The following CAPN6 variants were observed in gnomAD, a reference collection of about 807,000 sequenced individuals.
CAPN6 encodes the protein calpain-6.
Under a neutral mutation model 46.0 loss-of-function variants are expected in CAPN6, and 16 were observed. That is an observed-to-expected ratio of 0.35 (90% confidence interval 0.24 to 0.53). CAPN6 has a LOEUF of 0.53. CAPN6 is among the 20% of genes least tolerant of loss of function. The pLI is 0.94. For missense variants in CAPN6, 461 were observed against 498.0 expected, an observed-to-expected ratio of 0.93 and a Z score of 0.71; for synonymous variants, 206 against 172.8, an observed-to-expected ratio of 1.19 and a Z score of -1.51.
chrX:111,263,029 C>T (rs1303655320), intron 2 of CAPN6, among the ~76,000 whole-genome samples: 1 of 112,029 alleles, frequency 8.9e-6, no homozygotes, highest in Admixed American at 9.5e-5. Flanking sequence ...TTTTTCTCCT[C>T]ACTGGTCTGA....
chrX:111,251,781 G>T, intron 5 of CAPN6, 39 bp from the exon 6 acceptor site: 1 of 1,095,430 alleles, frequency 9.1e-7, no homozygotes, highest in Non-Finnish European at 1.3e-6. Flanking sequence ...ACAGGAATTG[G>T]GAGACCCAAT....
chrX:111,249,892 A>AAGGGAGGG (rs35840656), intron 8 of CAPN6, among the ~76,000 whole-genome samples: 10 of 91,279 alleles, frequency 1.1e-4, no homozygotes, highest in African/African-American at 4.4e-4. Flanking sequence ...GGAAGAAAAG[A>AAGGGAGGG]AGGGAGGGAG....
intron 4 of CAPN6, 78 bp downstream of exon 4, chrX:111,252,930 A>T: frequency 1.2e-6 from 1 of 854,947 alleles, no homozygotes; most frequent in Non-Finnish European, 1.7e-6. Flanking sequence ...GGGCTGGGAG[A>T]GAATGAGCTC....
At position 111,253,100 on chromosome X, in the gene CAPN6, G is replaced by A. The variant is rs898954251; in HGVS notation, c.414C>T (p.Asp138=). 1.7e-6 allele frequency: 2 copies of A among 1,208,510 alleles called. No individual in the cohort carries two copies. Among genetic ancestry groups the A allele is most frequent in the East Asian group, 3.0e-5 (1 of 33,841 alleles). Residue 138 remains aspartate (D), a synonymous_variant, in exon 4 of 13, where the codon GAC becomes GAT. Transcript: ENST00000324068. ...FGEWTEVVID[D]LLPTINGDLV... ...GATCTCCGTTAATGGTGGGCAACAA[G>A]TCATCAATCACCACTTCAGTCCATT...
intron 4 of CAPN6, 49 bp from the exon 5 acceptor site, chrX:111,252,548 C>A (rs1457765447): frequency 1.0e-6 from 1 of 1,003,661 alleles, no homozygotes; most frequent in East Asian, 3.1e-5. Flanking sequence ...TTTTCCAGGT[C>A]AAGAACATCA....
chrX:111,248,828 C>T, intron 9 of CAPN6, 57 bp from the exon 10 acceptor site: 5 of 1,185,200 alleles, frequency 4.2e-6, no homozygotes, highest in South Asian at 1.8e-5. Context: ...TTTTTGTATG[C>T]TCTGTCTTTT....
At chrX:111,249,407 A>C (rs1336649655) in intron 8 of CAPN6, among the ~76,000 whole-genome samples, 1 of 110,781 alleles carries the variant, frequency 9.0e-6, no homozygotes, top group Non-Finnish European at 1.9e-5. Context: ...CCATATATAG[A>C]AAAAGTTTGG....
intron 3 of CAPN6, among the ~76,000 whole-genome samples, chrX:111,253,919 G>A (rs756786522): frequency 9.0e-6 from 1 of 111,308 alleles, no homozygotes; most frequent in East Asian, 2.8e-4. Flanking sequence ...TGACTTCCTG[G>A]CTTCTACTGA....
chrX:111,253,322 C>T, intron 3 of CAPN6, 106 bp from the exon 4 acceptor site: 2 of 598,738 alleles, frequency 3.3e-6, no homozygotes. Context: ...GGAAGCATGC[C>T]ACATACACCT....
intron 1 of CAPN6, among the ~76,000 whole-genome samples, chrX:111,265,665 A>G (rs936233904): frequency 8.9e-6 from 1 of 112,024 alleles, no homozygotes; most frequent in Non-Finnish European, 1.9e-5. Context: ...AACAAACACT[A>G]CTGCGCCTCT....
chrX:111,268,155 C>T (rs768905924), intron 1 of CAPN6, among the ~76,000 whole-genome samples: 24 of 111,429 alleles, frequency 2.2e-4, no homozygotes, highest in Non-Finnish European at 2.8e-4. Flanking sequence ...TGATCCAGCC[C>T]ACTGCCTTAT....
intron 2 of CAPN6, among the ~76,000 whole-genome samples, chrX:111,259,934 G>A (rs1006221436): frequency 9.0e-6 from 1 of 111,242 alleles, no homozygotes; most frequent in Non-Finnish European, 1.9e-5. Context: ...AAATCCTACC[G>A]GCAGTCTTAT....
At chrX:111,268,356 A>G (rs1279263056) in intron 1 of CAPN6, among the ~76,000 whole-genome samples, 2 of 112,842 alleles carry the variant, frequency 1.8e-5, no homozygotes, top group African/African-American at 6.4e-5. Context: ...TTTAGTATAC[A>G]TAACATCTCA....
intron 2 of CAPN6, among the ~76,000 whole-genome samples, chrX:111,259,643 T>G (rs777056951): frequency 3.3e-4 from 37 of 112,274 alleles, no homozygotes; most frequent in African/African-American, 1.1e-3. Context: ...AGGGGAAGAC[T>G]AGGCAATGGC....
intron 12 of CAPN6, 152 bp downstream of exon 12, chrX:111,247,216 C>A: frequency 2.2e-6 from 1 of 460,916 alleles, no homozygotes; most frequent in Non-Finnish European, 3.6e-6. Flanking sequence ...AGTCAGTGTC[C>A]ATGCTTGATG....
rs2094989899 is a variant in CAPN6 at position 111,263,901 on chromosome X, T to C, written c.36A>G (p.Lys12=). The change falls in exon 2 of 13, where the codon AAA becomes AAG. Residue 12 remains lysine (K), a synonymous_variant. Transcript: ENST00000324068. The part of the protein sequence containing the change: ...GPPLKLFKNQ[K]YQELKQECIK... The stretch of plus-strand genomic sequence containing the variant: ...TGCATTCCTGCTTCAGTTCCTGGTA[T>C]TTCTGGTTTTTGAAGAGCTTCAGAG... 1 of 1,206,711 alleles carries C rather than the reference T, an allele frequency of 8.3e-7. No homozygotes were observed.
At position 111,263,777 on chromosome X, in the gene CAPN6, G is replaced by T. The variant is rs1216753772; in HGVS notation, c.160C>A (p.Pro54Thr). Residue 54 changes from proline to threonine, a missense_variant, in exon 2 of 13, where the codon CCC becomes ACC. Physicochemically the swap from Pro to Thr is conservative, Grantham distance 38 (BLOSUM62 -1). Coordinates refer to ENST00000324068, the MANE Select transcript of CAPN6 (RefSeq NM_014289.4). Reference sequence around the variant, plus strand: ...TGTGTAAAATAGAAAGTTACCTGGGGACGTTTCCACACCACCTTTCCAGGA... The same window carrying T: ...TGTGTAAAATAGAAAGTTACCTGGGTACGTTTCCACACCACCTTTCCAGGA... ...LLPGKVVWKR[P>T]QDICDDPHLI... is the part of the protein sequence containing the mutation. The T allele has an allele frequency of 1.7e-6, 2 of 1,202,385 alleles. No homozygotes were observed. The highest frequency in any genetic ancestry group is 6.0e-5 in the East Asian group (2 of 33,513).
In CAPN6 at chrX:111,254,472, T is replaced by C. The variant is rs765807540; in HGVS notation, c.166-69A>G. Reference sequence around the variant, plus strand: ...TCTCAAGAGTCACTGTGAGCTGAACTAGGCAGGACAGCCTTCATAGAGGAG... The same window carrying C: ...TCTCAAGAGTCACTGTGAGCTGAACCAGGCAGGACAGCCTTCATAGAGGAG... On this transcript the variant is annotated intron_variant, in intron 2 of 12. Transcript: ENST00000324068. The C allele has an allele frequency of 9.5e-6, 8 of 842,355 alleles. No individual in the cohort carries two copies. In the South Asian group the frequency reaches 1.0e-4, roughly 11 times the overall value. The allele number at this position is 842,355 out of a possible 1,213,427, so 69.4% of individuals were successfully genotyped here.
At chrX:111,255,908 C>T (rs1569481220) in intron 2 of CAPN6, among the ~76,000 whole-genome samples, 1 of 111,508 alleles carries the variant, frequency 9.0e-6, no homozygotes. Flanking sequence ...AATTTTCTAT[C>T]TTAAAAAATA....
Sources: allele counts gnomAD v4.1 joint callset (sites outside exome capture counted in the v4.1 genomes callset), GRCh38; gene constraint gnomAD v4.1.1; transcripts MANE v1.5; gene names NCBI Gene and HGNC (gene_info 2026-07-23, HGNC 2026-07-21).